The following PCDHA6 variants were observed in gnomAD, a reference collection of about 807,000 sequenced individuals.
The protein encoded by PCDHA6 is protocadherin alpha-6.
In PCDHA6, 55 loss-of-function variants were observed where a neutral mutation model predicts 60.3. The ratio of observed to expected loss-of-function variants is 0.91; its 90% CI spans 0.73 to 1.14. The LOEUF (loss-of-function observed/expected upper bound fraction) is 1.14. PCDHA6 is among the 50% of genes most tolerant of loss of function. The pLI, the probability that PCDHA6 is intolerant of heterozygous loss-of-function variation, is 0.00. For synonymous variants in PCDHA6, 652 were observed against 557.9 expected, an observed-to-expected ratio of 1.17 and a Z score of -2.38; for missense variants, 1,327 against 1,256.5, an observed-to-expected ratio of 1.06 and a Z score of -0.85.
At position 140,882,112 on chromosome 5, in the gene PCDHA6, C is replaced by A. The variant is rs1399071152; in HGVS notation, c.2394+51627C>A. On this transcript the variant is annotated intron_variant, in intron 1 of 3. Transcript: ENST00000529310. ...CTGAGAACGTTTCCGCGAAGAAAGC[C>A]GCCGTTTCTTTCTTCCTGCAGAAAA... 4 of 1,384,574 alleles carry A rather than the reference C, an allele frequency of 2.9e-6. No individual in the cohort carries two copies. The Admixed American group carries it at 7.3e-5, about 25-fold the overall frequency. 85.8% of individuals were successfully genotyped at this position (1,384,574 alleles called of 1,614,324 possible).
At chr5:140,966,593 A>G in intron 1 of PCDHA6, 1 of 595,648 alleles carries the variant, frequency 1.7e-6, no homozygotes, top group Non-Finnish European at 2.6e-6. Context: ...CGGTGGGGCC[A>G]GGAGCCCTTG....
intron 3 of PCDHA6, among the ~76,000 whole-genome samples, chr5:140,995,674 AT>A (rs1240189428): frequency 1.3e-5 from 2 of 151,994 alleles, no homozygotes; most frequent in Non-Finnish European, 2.9e-5. Flanking sequence ...TAAATGCAGC[AT>A]TTTTTTTAAT....
At chr5:140,857,475 T>C in intron 1 of PCDHA6, 2 of 1,598,608 alleles carry the variant, frequency 1.3e-6, no homozygotes, top group Non-Finnish European at 1.7e-6. Flanking sequence ...ATCTTCACGG[T>C]GTCTGCGTGG....
Position 140,850,429 on chromosome 5 carries a change from A to T in PCDHA6, c.2394+19944A>T. The T allele has an allele frequency of 1.3e-6, 2 of 1,597,934 alleles. 1 individual carries two copies. Among genetic ancestry groups the T allele is most frequent in the Middle Eastern group, 3.3e-4 (2 of 5,994 alleles). ...CTGGACGAAACGGACGCACCGCGCC[A>T]GCGCCTACTGGTGCTGGTGAAAGAC... On this transcript the variant is annotated intron_variant, in intron 1 of 3. Coordinates refer to ENST00000529310, the MANE Select transcript of PCDHA6 (RefSeq NM_018909.4).
intron 3 of PCDHA6, among the ~76,000 whole-genome samples, chr5:140,985,608 G>T (rs76669319): frequency 6.6e-6 from 1 of 152,052 alleles, no homozygotes; most frequent in Non-Finnish European, 1.5e-5. Context: ...AGCCCTTTCC[G>T]TGAACCAGCT....
At chr5:140,854,066 G>A (rs1554146981) in intron 1 of PCDHA6, 1 of 273,774 alleles carries the variant, frequency 3.7e-6, no homozygotes, top group Non-Finnish European at 5.6e-6. Context: ...GGAGGCTGAG[G>A]CGAGAGAATC....
chr5:140,955,846 T>G (rs1256650141), intron 1 of PCDHA6, among the ~76,000 whole-genome samples: 1 of 152,218 alleles, frequency 6.6e-6, no homozygotes, highest in African/African-American at 2.4e-5. Context: ...GTCATTCTCC[T>G]TGAAGAGGTC....
Position 140,956,868 on chromosome 5 carries a change from G to A in PCDHA6, c.2395-22081G>A, listed in dbSNP as rs1161897507. Among the ~76,000 whole-genome samples, 4 of 152,082 alleles carry A rather than the reference G, an allele frequency of 2.6e-5. No individual in the cohort carries two copies. In the South Asian group the frequency reaches 8.3e-4, roughly 32 times the overall value. On this transcript the variant is annotated intron_variant, in intron 1 of 3. Transcript: ENST00000529310. ...GGGTTAAATGGTTGAATGAATGTGT[G>A]AAAAGTTAGATATCAATGAATGAAT...
chr5:140,909,837 A>G (rs1385622846), intron 1 of PCDHA6, among the ~76,000 whole-genome samples: 3 of 152,190 alleles, frequency 2.0e-5, no homozygotes, highest in Non-Finnish European at 4.4e-5. Context: ...CTGGAGGACC[A>G]CCAGGACGTT....
intron 1 of PCDHA6, among the ~76,000 whole-genome samples, chr5:140,924,894 CAAAA>C (rs782133089): frequency 1.1e-4 from 8 of 71,470 alleles, no homozygotes; most frequent in African/African-American, 3.4e-4. Flanking sequence ...GAACCTGTCT[CAAAA>C]AAAAAAATAA....
intron 3 of PCDHA6, among the ~76,000 whole-genome samples, chr5:141,007,858 G>A (rs376865557): frequency 6.6e-6 from 1 of 152,116 alleles, no homozygotes; most frequent in African/African-American, 2.4e-5. Context: ...GTCCTTAAAG[G>A]TCTTTTCCTT....
chr5:140,836,389 T>TG (rs1328834113), intron 1 of PCDHA6: 1 of 1,613,560 alleles, frequency 6.2e-7, no homozygotes, highest in East Asian at 2.2e-5. Flanking sequence ...CTGGTGTCGC[T>TG]GGTGGAAAGC....
chr5:140,929,557 A>G (rs782792383), intron 1 of PCDHA6: 64 of 478,142 alleles, frequency 1.3e-4, no homozygotes, highest in Non-Finnish European at 1.9e-4. Flanking sequence ...ATTAAAACCT[A>G]TTTAAGAACA....
intron 1 of PCDHA6, among the ~76,000 whole-genome samples, chr5:140,962,829 C>CT (rs1342441888): frequency 6.6e-6 from 1 of 152,190 alleles, no homozygotes; most frequent in East Asian, 1.9e-4. Flanking sequence ...CCATTTGTCT[C>CT]TTTTTTATTA....
chr5:140,971,771 T>C (rs1433692038), intron 1 of PCDHA6, among the ~76,000 whole-genome samples: 1 of 152,192 alleles, frequency 6.6e-6, no homozygotes, highest in Non-Finnish European at 1.5e-5. Context: ...TCTTGAATAT[T>C]ATTCAAGATT....
At chr5:140,928,851 T>G (rs1554206396) in intron 1 of PCDHA6, 1 of 1,614,192 alleles carries the variant, frequency 6.2e-7, no homozygotes, top group Non-Finnish European at 8.5e-7. Flanking sequence ...TCACTCTGGG[T>G]GTGCTGTTGA....
intron 1 of PCDHA6, among the ~76,000 whole-genome samples, chr5:140,941,561 C>T (rs782382112): frequency 2.1e-4 from 32 of 151,880 alleles, no homozygotes; most frequent in Middle Eastern, 3.2e-3. Context: ...GTGATCCATT[C>T]GCCTCAGCCT....
Position 140,830,193 on chromosome 5 carries a change from T to C in PCDHA6, c.2102T>C (p.Ile701Thr), listed in dbSNP as rs1770885787. The part of the protein sequence containing the change: ...AALVDVNVYL[I>T]IAICAVSSLL... ...CTGGTGGATGTCAACGTGTACCTGA[T>C]CATCGCCATCTGCGCGGTATCCAGC... is the stretch of plus-strand genomic sequence containing the variant. The change falls in exon 1 of 4, where the codon ATC becomes ACC. Residue 701 changes from isoleucine (I) to threonine (T), a missense_variant. By Grantham distance (89) the Ile-to-Thr change is moderately conservative. Transcript: ENST00000529310. The C allele has an allele frequency of 2.5e-6, 4 of 1,613,664 alleles. No homozygotes were observed. In the African/African-American group the frequency reaches 5.3e-5, roughly 22 times the overall value.
intron 1 of PCDHA6, chr5:140,841,412 C>T (rs2150314878): frequency 6.2e-7 from 1 of 1,613,052 alleles, no homozygotes; most frequent in Admixed American, 1.7e-5. Context: ...GAGCGGCCAG[C>T]TCCACTACTC....
Sources: gnomAD v4.1 joint callset for allele counts (sites outside exome capture counted in the v4.1 genomes callset) on GRCh38, gnomAD v4.1.1 for gene constraint, MANE v1.5 for transcripts, NCBI Gene and HGNC (gene_info 2026-07-23, HGNC 2026-07-21) for gene names.